MCOLN2: variants seen among roughly 807,000 people sequenced by gnomAD.
MCOLN2 encodes mucolipin-2.
In MCOLN2, 57 loss-of-function variants were observed where a neutral mutation model predicts 67.5. The observed-to-expected ratio is 0.84, with a 90% CI of 0.68 to 1.05. MCOLN2 has a LOEUF of 1.05. MCOLN2 is among the 50% of genes least tolerant of loss of function. The pLI, the probability that MCOLN2 is intolerant of heterozygous loss-of-function variation, is 0.00. For missense variants in MCOLN2, 620 were observed against 678.8 expected, an observed-to-expected ratio of 0.91 and a Z score of 0.96; for synonymous variants, 246 against 233.3, an observed-to-expected ratio of 1.05 and a Z score of -0.50.
At position 84,947,082 on chromosome 1, in the gene MCOLN2, G is replaced by A. The variant is rs890381222; in HGVS notation, c.798C>T (p.Asp266=). ...AHSGKIKIYF[D]SDAKIEECKD... ...TACATTCTTCAATTTTGGCATCACT[G>A]TCAAAATAGATTTTGATTTTGCCAC... is the stretch of plus-strand genomic sequence containing the variant. Residue 266 remains aspartate, a synonymous_variant, in exon 7 of 14, where the codon GAC becomes GAT. Coordinates refer to ENST00000370608, the MANE Select transcript of MCOLN2 (RefSeq NM_153259.4). The A allele has an allele frequency of 1.2e-6, 2 of 1,603,660 alleles. No individual in the cohort carries two copies. Among genetic ancestry groups the A allele is most frequent in the Non-Finnish European group, 1.7e-6 (2 of 1,171,130 alleles).
chr1:84,927,168 C>T (rs764612968), intron 13 of MCOLN2, among the ~76,000 whole-genome samples: 1 of 147,016 alleles, frequency 6.8e-6, no homozygotes, highest in Non-Finnish European at 1.5e-5. Flanking sequence ...GTAACCTGCA[C>T]GTTCAGCACA....
intron 3 of MCOLN2, among the ~76,000 whole-genome samples, chr1:84,957,303 A>C (rs1360778530): frequency 1.3e-5 from 2 of 152,138 alleles, no homozygotes; most frequent in Non-Finnish European, 2.9e-5. Flanking sequence ...ACTAACATGA[A>C]CCAACATTAG....
chr1:84,973,261 G>C (rs988350234), intron 1 of MCOLN2, among the ~76,000 whole-genome samples: 8 of 152,160 alleles, frequency 5.3e-5, no homozygotes, highest in Non-Finnish European at 1.0e-4. Context: ...AGGATCACTT[G>C]AGGCCAAGAG....
Position 84,996,980 on chromosome 1 carries a change from C to A in MCOLN2, c.-108G>T. On this transcript the variant is annotated 5_prime_UTR_variant, in exon 1 of 14. Coordinates refer to ENST00000370608, the MANE Select transcript of MCOLN2 (RefSeq NM_153259.4). ...GTAACGCGTCCGCCGAAGTTGGAGC[C>A]CTGCAAAGCGGGGTTCCCTTCTCTT... The A allele has an allele frequency of 9.8e-7, 1 of 1,016,276 alleles. No individual in the cohort carries two copies. The highest frequency in any genetic ancestry group is 1.5e-6 in the Non-Finnish European group (1 of 662,488). The allele number at this position is 1,016,276 out of a possible 1,614,324, so 63.0% of individuals were successfully genotyped here.
At chr1:84,987,515 T>TATAG (rs1650625967) in intron 1 of MCOLN2, among the ~76,000 whole-genome samples, 1 of 29,194 alleles carries the variant, frequency 3.4e-5, no homozygotes, top group African/African-American at 1.1e-4. Flanking sequence ...TGTATACATA[T>TATAG]GTATATATGT....
intron 12 of MCOLN2, among the ~76,000 whole-genome samples, chr1:84,930,617 A>G (rs973874672): frequency 7.9e-5 from 12 of 152,196 alleles, no homozygotes; most frequent in African/African-American, 2.9e-4. Context: ...TTCCCACCTG[A>G]ACACTTACTT....
At position 84,926,618 on chromosome 1, in the gene MCOLN2, C is replaced by T; in HGVS notation, c.*67G>A. The T allele has an allele frequency of 1.6e-6, 2 of 1,238,526 alleles. No homozygotes were observed. The highest frequency in any genetic ancestry group is 1.5e-5 in the South Asian group (1 of 64,922). 76.7% of individuals were successfully genotyped at this position (1,238,526 alleles called of 1,614,324 possible). ...TCATTTTGGAACTGCTTGTCCAAGT[C>T]ATTTGGGGTTCCTCTGCTCAGCCGC... On this transcript the variant is annotated 3_prime_UTR_variant, in exon 14 of 14. Transcript: ENST00000370608.
chr1:84,994,344 G>T (rs1230664741), intron 1 of MCOLN2, among the ~76,000 whole-genome samples: 1 of 122,934 alleles, frequency 8.1e-6, no homozygotes, highest in Non-Finnish European at 1.9e-5. Context: ...GAAATCAGAT[G>T]CTGGCTTGTC....
At chr1:84,957,911 A>T (rs770917720) in intron 3 of MCOLN2, among the ~76,000 whole-genome samples, 2 of 152,238 alleles carry the variant, frequency 1.3e-5, no homozygotes, top group South Asian at 4.1e-4. Context: ...TGAGTGAATG[A>T]AAAAGAGCAG....
At chr1:84,969,057 C>T (rs1189373751) in intron 1 of MCOLN2, among the ~76,000 whole-genome samples, 3 of 152,244 alleles carry the variant, frequency 2.0e-5, no homozygotes, top group African/African-American at 7.2e-5. Context: ...GCTTCCGGAA[C>T]ACATGGCAGT....
rs1166949981 is a variant in MCOLN2, at chr1:84,931,511, T to C, written c.1393A>G (p.Met465Val). ...CLFSLVNGDDMFATFAQIQQK... is the reference protein window; with the variant it reads ...CLFSLVNGDDVFATFAQIQQK... The stretch of plus-strand genomic sequence containing the variant: ...TGGATTTGGGCAAAGGTTGCAAACA[T>C]GTCATCACCGTTGACCAGAGAAAAC... Residue 465 changes from methionine (M) to valine (V), a missense_variant, in exon 12 of 14, where the codon ATG (methionine) becomes GTG (valine). Coordinates refer to ENST00000370608, the MANE Select transcript of MCOLN2 (RefSeq NM_153259.4). 1.9e-6 allele frequency: 3 copies of C among 1,614,046 alleles called. No homozygotes were observed. Among genetic ancestry groups the C allele is most frequent in the Non-Finnish European group, 8.5e-7 (1 of 1,179,986 alleles).
At chr1:84,954,999 T>C (rs1648704195) in intron 4 of MCOLN2, among the ~76,000 whole-genome samples, 3 of 152,176 alleles carry the variant, frequency 2.0e-5, no homozygotes, top group Admixed American at 2.0e-4. Flanking sequence ...GTTTCCATAA[T>C]CCCCACATGT....
At chr1:84,977,138 T>TG (rs1208324935) in intron 1 of MCOLN2, among the ~76,000 whole-genome samples, 2 of 151,994 alleles carry the variant, frequency 1.3e-5, no homozygotes, top group Non-Finnish European at 1.5e-5. Flanking sequence ...TTATTTTTTT[T>TG]GCTTGTTTGT....
intron 1 of MCOLN2, 120 bp from the exon 2 acceptor site, chr1:84,965,828 C>A: frequency 1.4e-4 from 99 of 693,028 alleles, no homozygotes; most frequent in Middle Eastern, 6.9e-4. Context: ...TGAAAAGCCT[C>A]TTTATGAACA....
At chr1:84,952,194 G>T (rs890005370) in intron 6 of MCOLN2, 49 bp downstream of exon 6, 2 of 1,322,760 alleles carry the variant, frequency 1.5e-6, no homozygotes, top group Non-Finnish European at 1.1e-6. Context: ...TCAACAAAAA[G>T]TGTAGGAAAA....
intron 11 of MCOLN2, among the ~76,000 whole-genome samples, chr1:84,933,273 G>A (rs765094482): frequency 2.0e-4 from 30 of 152,026 alleles, no homozygotes; most frequent in Non-Finnish European, 4.3e-4. Context: ...ACACTTCCCT[G>A]TACTCCAACT....
chr1:84,937,623 G>A (rs1647500853), intron 11 of MCOLN2, 132 bp downstream of exon 11: 1 of 1,454,272 alleles, frequency 6.9e-7, no homozygotes, highest in Non-Finnish European at 9.1e-7. Flanking sequence ...AAAGAAAACT[G>A]ATACAAAGAT....
At chr1:84,927,357 T>C (rs1018957018) in intron 13 of MCOLN2, among the ~76,000 whole-genome samples, 3 of 152,000 alleles carry the variant, frequency 2.0e-5, no homozygotes, top group Admixed American at 1.3e-4. Flanking sequence ...TTCACTGCAA[T>C]AGAGGAAGGT....
chr1:84,929,533 C>T, intron 13 of MCOLN2, 25 bp downstream of exon 13: 1 of 1,589,366 alleles, frequency 6.3e-7, no homozygotes, highest in Non-Finnish European at 8.6e-7. Context: ...ATCTCAGGAG[C>T]ATGGAGAATA....
Sources: gnomAD v4.1 joint callset for allele counts (sites outside exome capture counted in the v4.1 genomes callset) on GRCh38, gnomAD v4.1.1 for gene constraint, MANE v1.5 for transcripts, NCBI Gene and HGNC (gene_info 2026-07-23, HGNC 2026-07-21) for gene names.